SVOP: variants seen among roughly 807,000 people sequenced by gnomAD.
The protein encoded by SVOP is SV2 related protein.
In SVOP, 17 loss-of-function variants were observed where a neutral mutation model predicts 69.1. That is an observed-to-expected ratio of 0.25 (90% confidence interval 0.17 to 0.37). The LOEUF is 0.37. Among genes scored for constraint, SVOP ranks in the 10% least tolerant of loss-of-function variants. The pLI, the probability that SVOP is intolerant of heterozygous loss-of-function variation, is 1.00. For missense variants in SVOP, 435 were observed against 597.5 expected (o/e 0.73, Z 2.84); for synonymous variants, 238 against 238.6 (o/e 1.00, Z 0.02).
Position 108,932,601 on chromosome 12 carries a change from G to A in SVOP, c.1048+1594C>T, listed in dbSNP as rs180844435. 6.6e-5 allele frequency among the ~76,000 whole-genome samples: 10 copies of A among 152,050 alleles called. No homozygotes were observed. The South Asian group carries it at 1.5e-3, about 22-fold the overall frequency. ...ATCCTAAGCTCCCAATCTACTGAACGAATCCCTTCTTGGCCAAGGGGACCC... is the reference window on the plus strand; with the variant it reads ...ATCCTAAGCTCCCAATCTACTGAACAAATCCCTTCTTGGCCAAGGGGACCC... On this transcript the variant is annotated intron_variant, in intron 11 of 15. Coordinates refer to ENST00000610966, the MANE Select transcript of SVOP (RefSeq NM_018711.5).
intron 5 of SVOP, among the ~76,000 whole-genome samples, chr12:108,970,755 C>T (rs750789483): frequency 3.3e-5 from 5 of 152,204 alleles, no homozygotes; most frequent in Non-Finnish European, 7.3e-5. Context: ...TGGCTCACAT[C>T]TGTAATCCCA....
At chr12:108,959,363 T>C (rs1044283515) in intron 6 of SVOP, among the ~76,000 whole-genome samples, 6 of 149,766 alleles carry the variant, frequency 4.0e-5, no homozygotes, top group African/African-American at 1.5e-4. Flanking sequence ...TTTTTTTTTT[T>C]TTTTTTTTGA....
At chr12:109,012,391 TAAGA>T (rs1339587756) in intron 1 of SVOP, among the ~76,000 whole-genome samples, 52 of 152,074 alleles carry the variant, frequency 3.4e-4, no homozygotes, top group Admixed American at 3.4e-3. Flanking sequence ...TGAAAATTGC[TAAGA>T]AAGGAGATTT....
In SVOP at chr12:109,003,013, A is replaced by AT. The variant is rs1405702216; in HGVS notation, c.35+17820dup. Reference sequence around the variant, plus strand: ...AATAAATAAATAAATAAAAATAAAAATAAAAAAACAAGAAATGCAGAGTCT... The same window carrying AT: ...AATAAATAAATAAATAAAAATAAAAATTAAAAAAACAAGAAATGCAGAGTCT... On this transcript the variant is annotated intron_variant, in intron 1 of 15. Coordinates refer to ENST00000610966, the MANE Select transcript of SVOP (RefSeq NM_018711.5). 1.9e-3 allele frequency among the ~76,000 whole-genome samples: 26 copies of AT among 13,718 alleles called. 3 individuals are homozygous for AT. The East Asian group carries it at 0.15, about 81-fold the overall frequency. The allele number at this position is 13,718 out of a possible 152,430, so 9.0% of individuals were successfully genotyped here. A position where few individuals can be genotyped will look rare whatever the true frequency, so the allele number is the denominator to read the frequency against.
rs12302562 is a variant in SVOP, at chr12:109,015,699, A to G, written c.35+5135T>C. Among the ~76,000 whole-genome samples the G allele has an allele frequency of 2.6e-3, 396 of 152,266 alleles. 3 individuals are homozygous for G. The highest frequency in any genetic ancestry group is 8.9e-3 in the African/African-American group (370 of 41,558). On this transcript the variant is annotated intron_variant, in intron 1 of 15. Transcript: ENST00000610966. ...TGTTATCCCAGCTACAGGGGTGGCT[A>G]TGATAATCGCTTGAACCTGGGAGGC...
intron 2 of SVOP, among the ~76,000 whole-genome samples, chr12:108,979,715 C>T (rs1390030923): frequency 6.6e-6 from 1 of 152,160 alleles, no homozygotes; most frequent in African/African-American, 2.4e-5. Flanking sequence ...ACTGAGTGGA[C>T]ATCTTACAAA....
intron 7 of SVOP, 76 bp from the exon 8 acceptor site, chr12:108,940,985 CA>C: frequency 6.7e-7 from 1 of 1,492,898 alleles, no homozygotes. Flanking sequence ...GCATTGTGGA[CA>C]AGGGTATCTC....
intron 5 of SVOP, among the ~76,000 whole-genome samples, chr12:108,967,424 G>T (rs1566059240): frequency 6.6e-6 from 1 of 151,932 alleles, no homozygotes; most frequent in Non-Finnish European, 1.5e-5. Flanking sequence ...GCTTGAACCT[G>T]GGAGGCAGAG....
At chr12:109,018,328 A>G (rs2135637123) in intron 1 of SVOP, among the ~76,000 whole-genome samples, 1 of 152,262 alleles carries the variant, frequency 6.6e-6, no homozygotes, top group East Asian at 1.9e-4. Flanking sequence ...TGTGGTCTCA[A>G]ATGAACCACC....
chr12:108,990,484 G>T (rs2040193487), intron 1 of SVOP, among the ~76,000 whole-genome samples: 1 of 144,042 alleles, frequency 6.9e-6, no homozygotes, highest in Admixed American at 7.1e-5. Context: ...ACAGGAAGGG[G>T]AACATCACAC....
chr12:108,910,488 A>C lies in SVOP; in HGVS notation c.*2047T>G, dbSNP rs2039675432. Reference sequence around the variant, plus strand: ...AGTTCTGTGTTACCCAGGAGAGCTCAGCTGTCCAGAAATAATTAGAGCTAC... The same window carrying C: ...AGTTCTGTGTTACCCAGGAGAGCTCCGCTGTCCAGAAATAATTAGAGCTAC... On this transcript the variant is annotated 3_prime_UTR_variant, in exon 16 of 16. Transcript: ENST00000610966. The C allele has an allele frequency of 1.3e-5, 2 of 152,266 alleles. No individual in the cohort carries two copies. Among genetic ancestry groups the C allele is most frequent in the Admixed American group, 6.5e-5 (1 of 15,284 alleles). 9.4% of individuals were successfully genotyped at this position (152,266 alleles called of 1,614,324 possible).
intron 4 of SVOP, 70 bp from the exon 5 acceptor site, chr12:108,972,546 G>C (rs772567853): frequency 1.9e-4 from 271 of 1,464,506 alleles, no homozygotes; most frequent in Non-Finnish European, 2.3e-4. Context: ...AACAACAAAC[G>C]GAAGTGGTGA....
At chr12:108,928,916 G>A (rs2039799178) in intron 11 of SVOP, among the ~76,000 whole-genome samples, 1 of 152,146 alleles carries the variant, frequency 6.6e-6, no homozygotes, top group Non-Finnish European at 1.5e-5. Flanking sequence ...CAGGTGAGAG[G>A]TGCCCTGCCT....
At chr12:108,977,324 A>T in intron 4 of SVOP, 74 bp downstream of exon 4, 8 of 1,487,736 alleles carry the variant, frequency 5.4e-6, no homozygotes, top group Non-Finnish European at 7.2e-6. Context: ...GCAGCAGGAG[A>T]AGGGAGATAT....
intron 11 of SVOP, among the ~76,000 whole-genome samples, chr12:108,927,098 A>G (rs563910826): frequency 6.0e-4 from 92 of 152,094 alleles, no homozygotes; most frequent in Middle Eastern, 6.8e-3. Flanking sequence ...TTGTTACACA[A>G]CTCAATACTT....
intron 1 of SVOP, among the ~76,000 whole-genome samples, chr12:109,004,831 G>A (rs538047230): frequency 4.2e-4 from 64 of 152,086 alleles, no homozygotes; most frequent in African/African-American, 1.4e-3. Context: ...TCCGTCTCCC[G>A]AGTTCTAGTG....
intron 5 of SVOP, 89 bp downstream of exon 5, chr12:108,972,316 C>A: frequency 7.8e-7 from 1 of 1,284,180 alleles, no homozygotes; most frequent in South Asian, 1.3e-5. Flanking sequence ...GGCCTCCCAA[C>A]TGCTAATGCA....
At chr12:108,933,002 C>A (rs574217353) in intron 11 of SVOP, among the ~76,000 whole-genome samples, 1 of 152,212 alleles carries the variant, frequency 6.6e-6, no homozygotes, top group Admixed American at 6.5e-5. Flanking sequence ...GCTTAGCCTC[C>A]TGAGTAGCTG....
intron 1 of SVOP, among the ~76,000 whole-genome samples, chr12:108,986,734 A>C (rs2040167787): frequency 6.6e-6 from 1 of 152,212 alleles, no homozygotes; most frequent in East Asian, 1.9e-4. Flanking sequence ...ATACCATGAG[A>C]TGCAGGTTCT....
Sources: allele counts gnomAD v4.1 joint callset (sites outside exome capture counted in the v4.1 genomes callset), GRCh38; gene constraint gnomAD v4.1.1; transcripts MANE v1.5; gene names NCBI Gene and HGNC (gene_info 2026-07-23, HGNC 2026-07-21).